The following DGKB variants were observed in gnomAD, a reference collection of about 807,000 sequenced individuals.
The protein encoded by DGKB is diacylglycerol kinase beta.
DGKB carries 67 observed loss-of-function variants against 114.3 expected under a neutral mutation model. That is an observed-to-expected ratio of 0.59 (90% CI 0.48 to 0.72). DGKB has a LOEUF of 0.72. DGKB is among the 30% of genes least tolerant of loss of function. The probability of loss-of-function intolerance (pLI) is 0.00; values close to 1 mark genes in which losing one functional copy is unlikely to be tolerated. For missense variants in DGKB, 907 were observed against 975.2 expected, an observed-to-expected ratio of 0.93 and a Z score of 0.93; for synonymous variants, 398 against 323.1, an observed-to-expected ratio of 1.23 and a Z score of -2.49.
intron 1 of DGKB, among the ~76,000 whole-genome samples, chr7:14,922,805 T>G (rs1784574090): frequency 6.6e-6 from 1 of 152,124 alleles, no homozygotes; most frequent in Non-Finnish European, 1.5e-5. Context: ...GAAGATACAT[T>G]GAGTCAAGCT....
At chr7:14,587,923 T>C (rs1217300119) in intron 17 of DGKB, among the ~76,000 whole-genome samples, 2 of 152,194 alleles carry the variant, frequency 1.3e-5, no homozygotes, top group Non-Finnish European at 2.9e-5. Flanking sequence ...CACTTTATTG[T>C]GATATTCACT....
At chr7:14,536,388 T>A (rs1163806964) in intron 20 of DGKB, among the ~76,000 whole-genome samples, 1 of 152,154 alleles carries the variant, frequency 6.6e-6, no homozygotes, top group Non-Finnish European at 1.5e-5. Context: ...ATATCCCTAA[T>A]TAACCTGGAT....
intron 21 of DGKB, among the ~76,000 whole-genome samples, chr7:14,452,358 C>T (rs1407870417): frequency 6.6e-6 from 1 of 151,810 alleles, no homozygotes; most frequent in Non-Finnish European, 1.5e-5. Flanking sequence ...ATATAAATTC[C>T]AAATTATTTG....
At chr7:14,812,416 G>A (rs1843566287) in intron 2 of DGKB, among the ~76,000 whole-genome samples, 1 of 151,964 alleles carries the variant, frequency 6.6e-6, no homozygotes. Context: ...TGTGTGTCTT[G>A]ATAGTATTTA....
At chr7:14,608,005 C>A (rs1804843146) in intron 16 of DGKB, among the ~76,000 whole-genome samples, 2 of 151,818 alleles carry the variant, frequency 1.3e-5, no homozygotes, top group Non-Finnish European at 2.9e-5. Flanking sequence ...AAGAATGTAG[C>A]CTCATCTGGC....
intron 23 of DGKB, among the ~76,000 whole-genome samples, chr7:14,315,935 C>G (rs1467439076): frequency 6.6e-6 from 1 of 151,842 alleles, no homozygotes; most frequent in African/African-American, 2.4e-5. Flanking sequence ...CAAACTGTCT[C>G]TCAGACCACA....
At chr7:14,361,514 G>A (rs529084310) in intron 21 of DGKB, among the ~76,000 whole-genome samples, 8 of 151,914 alleles carry the variant, frequency 5.3e-5, no homozygotes, top group African/African-American at 1.7e-4. Flanking sequence ...TGTTTTTGTT[G>A]CCAGTCATGA....
intron 21 of DGKB, among the ~76,000 whole-genome samples, chr7:14,369,039 T>G (rs1321968281): frequency 6.6e-6 from 1 of 151,988 alleles, no homozygotes; most frequent in East Asian, 1.9e-4. Context: ...CCCATCTACA[T>G]TTGGTATTTC....
intron 5 of DGKB, among the ~76,000 whole-genome samples, chr7:14,735,024 C>T (rs1831502659): frequency 6.6e-6 from 1 of 152,150 alleles, no homozygotes; most frequent in Admixed American, 6.5e-5. Flanking sequence ...ATCTCTGCAG[C>T]GTTTCAGCCC....
At chr7:14,239,167 A>G (rs971580736) in intron 23 of DGKB, among the ~76,000 whole-genome samples, 1 of 152,052 alleles carries the variant, frequency 6.6e-6, no homozygotes, top group African/African-American at 2.4e-5. Flanking sequence ...TTCCTTTCAT[A>G]TCTTTTCTGC....
At chr7:14,298,816 C>A (rs2215037) in intron 23 of DGKB, among the ~76,000 whole-genome samples, 133,257 of 152,220 alleles carry the variant, frequency 0.88, 58,649 homozygotes, top group African/African-American at 0.97. Context: ...TAATATCCAG[C>A]ATCTACAAAG....
At chr7:14,667,474 A>G (rs1319578219) in intron 13 of DGKB, among the ~76,000 whole-genome samples, 2 of 152,106 alleles carry the variant, frequency 1.3e-5, no homozygotes, top group Non-Finnish European at 2.9e-5. Context: ...TAATATCAAT[A>G]TCCACTTTGT....
chr7:14,682,004 C>T (rs978929738), intron 12 of DGKB, among the ~76,000 whole-genome samples: 8 of 152,070 alleles, frequency 5.3e-5, no homozygotes, highest in Admixed American at 3.3e-4. Flanking sequence ...GAATAAAACA[C>T]GGTCTACTTG....
intron 23 of DGKB, among the ~76,000 whole-genome samples, chr7:14,213,246 AG>A (rs1788426446): frequency 6.6e-6 from 1 of 152,078 alleles, no homozygotes; most frequent in Non-Finnish European, 1.5e-5. Context: ...TCCCTCTGTT[AG>A]AGTTTCTTCT....
intron 23 of DGKB, among the ~76,000 whole-genome samples, chr7:14,260,643 G>C (rs947042449): frequency 6.6e-6 from 1 of 152,072 alleles, no homozygotes; most frequent in Non-Finnish European, 1.5e-5. Context: ...ACTTTCTATC[G>C]GTATAATTAG....
Position 14,431,758 on chromosome 7 carries a change from C to A in DGKB, c.1835+46403G>T, listed in dbSNP as rs115105991. On this transcript the variant is annotated intron_variant, in intron 21 of 25. Coordinates refer to ENST00000402815, the MANE Select transcript of DGKB (RefSeq NM_001350709.2). ...AAGTTTTATCTATGTTATTATAGAA[C>A]TGATACATTCTTGAGAAAGATGTAT... Among the ~76,000 whole-genome samples the A allele has an allele frequency of 6.2e-3, 937 of 152,070 alleles. 11 individuals carry two copies. Among genetic ancestry groups the A allele is most frequent in the African/African-American group, 0.022 (916 of 41,492 alleles).
At chr7:14,947,111 C>T (rs1212160786) in intron 1 of DGKB, among the ~76,000 whole-genome samples, 2 of 151,276 alleles carry the variant, frequency 1.3e-5, no homozygotes, top group Non-Finnish European at 3.0e-5. Flanking sequence ...TACACAATAT[C>T]AAGGACATTT....
At chr7:14,271,944 T>C (rs1360165795) in intron 23 of DGKB, among the ~76,000 whole-genome samples, 1 of 152,208 alleles carries the variant, frequency 6.6e-6, no homozygotes, top group Non-Finnish European at 1.5e-5. Flanking sequence ...CCTGTGCTAT[T>C]ACTAACTTGG....
chr7:14,928,853 T>A (rs916518669), intron 1 of DGKB, among the ~76,000 whole-genome samples: 5 of 152,006 alleles, frequency 3.3e-5, no homozygotes, highest in Non-Finnish European at 5.9e-5. Flanking sequence ...TGAGTCTCCA[T>A]TGTCTATTAT....
Sources: gnomAD v4.1 joint callset for allele counts (sites outside exome capture counted in the v4.1 genomes callset) on GRCh38, gnomAD v4.1.1 for gene constraint, MANE v1.5 for transcripts, NCBI Gene and HGNC (gene_info 2026-07-23, HGNC 2026-07-21) for gene names.